The following CCND3 variants were observed in gnomAD, a reference collection of about 807,000 sequenced individuals.
CCND3 encodes the protein cyclin D3, also known as G1/S-specific cyclin-D3.
A neutral mutation model predicts 28.7 loss-of-function variants in CCND3; 9 were observed. The observed-to-expected ratio is 0.31, with a 90% CI of 0.19 to 0.55. The LOEUF (loss-of-function observed/expected upper bound fraction) is 0.55, where lower values mean the gene tolerates loss of function less well. Among genes scored for constraint, CCND3 ranks in the 20% least tolerant of loss-of-function variants. The pLI is 0.93. For missense variants in CCND3, 315 were observed against 385.8 expected (o/e 0.82, Z 1.54); for synonymous variants, 164 against 163.9 (o/e 1.00, Z 0.00).
intron 1 of CCND3, among the ~76,000 whole-genome samples, chr6:42,018,908 A>G (rs59110582): frequency 0.21 from 30,618 of 148,168 alleles, 3,590 homozygotes; most frequent in East Asian, 0.33. Flanking sequence ...AAAAAAAAAA[A>G]AAGAAGAAAA....
rs1036768220 is a variant in CCND3, at chr6:41,999,227, A to G, written c.-46+49274T>C. Reference sequence around the variant, plus strand: ...GCAAAACTCTGTCTCGAAAAAAAAAAATTTATAGAACTATAGACTTAAGAT... The same window carrying G: ...GCAAAACTCTGTCTCGAAAAAAAAAGATTTATAGAACTATAGACTTAAGAT... On this transcript the variant is annotated intron_variant, in intron 1 of 4. Transcript: ENST00000372988. Among the ~76,000 whole-genome samples, 245 of 152,150 alleles carry G rather than the reference A, an allele frequency of 1.6e-3. 1 individual carries two copies. The highest frequency in any genetic ancestry group is 5.4e-3 in the African/African-American group (223 of 41,514).
Position 41,987,477 on chromosome 6 carries a change from TTC to T in CCND3, c.-45-46894_-45-46893del, listed in dbSNP as rs71544258. Among the ~76,000 whole-genome samples the T allele has an allele frequency of 5.6e-3, 713 of 126,260 alleles. 9 individuals carry two copies. The highest frequency in any genetic ancestry group is 0.019 in the African/African-American group (649 of 34,276). The allele number at this position is 126,260 out of a possible 152,430, so 82.8% of individuals were successfully genotyped here. ...ACCACAACTCCCATGGACCAGGCTT[TTC>T]TCTCTCTCTCTCTCTCTCTCTCTCT... On this transcript the variant is annotated intron_variant, in intron 1 of 4. Transcript: ENST00000372988.
chr6:41,960,279 T>G (rs545563844), intron 1 of CCND3, among the ~76,000 whole-genome samples: 12 of 152,324 alleles, frequency 7.9e-5, no homozygotes, highest in Non-Finnish European at 1.6e-4. Flanking sequence ...AGTGTCTATT[T>G]TGGGGAGGAT....
At chr6:41,959,955 C>A (rs79252093) in intron 1 of CCND3, among the ~76,000 whole-genome samples, 570 of 139,960 alleles carry the variant, frequency 4.1e-3, no homozygotes, top group Non-Finnish European at 4.2e-3. Context: ...GACTCCGTCT[C>A]AAAAAAAAAA....
At chr6:41,950,749 C>G (rs1776288472) in intron 1 of CCND3, among the ~76,000 whole-genome samples, 1 of 149,732 alleles carries the variant, frequency 6.7e-6, no homozygotes, top group Non-Finnish European at 1.5e-5. Flanking sequence ...CTCTCTGTCA[C>G]CCAGGCTGGA....
chr6:42,022,317 A>G (rs1163506882), intron 1 of CCND3, among the ~76,000 whole-genome samples: 3 of 152,232 alleles, frequency 2.0e-5, no homozygotes, highest in African/African-American at 7.2e-5. Context: ...ACACACTGGA[A>G]TGAGTGAATG....
chr6:41,997,380 A>G (rs1762839435), intron 1 of CCND3, among the ~76,000 whole-genome samples: 1 of 152,188 alleles, frequency 6.6e-6, no homozygotes, highest in Non-Finnish European at 1.5e-5. Flanking sequence ...ACTCAAGAGA[A>G]CTAAGGTGCA....
chr6:41,964,409 T>A (rs1582113011), intron 1 of CCND3, among the ~76,000 whole-genome samples: 6 of 150,908 alleles, frequency 4.0e-5, no homozygotes, highest in African/African-American at 1.5e-4. Flanking sequence ...TGAATGTGTG[T>A]GTCTGTGTGT....
intron 1 of CCND3, among the ~76,000 whole-genome samples, chr6:42,042,509 C>T (rs1252154220): frequency 1.1e-4 from 16 of 152,088 alleles, no homozygotes; most frequent in African/African-American, 3.1e-4. Flanking sequence ...TACAGGCATG[C>T]GCCACCACAC....
intron 1 of CCND3, among the ~76,000 whole-genome samples, chr6:41,962,826 C>T (rs965285925): frequency 7.7e-4 from 117 of 152,322 alleles, no homozygotes; most frequent in African/African-American, 2.7e-3. Flanking sequence ...TCTTGGCTTA[C>T]CACAACCTCC....
At chr6:42,007,229 T>C (rs1763203002) in intron 1 of CCND3, among the ~76,000 whole-genome samples, 1 of 152,236 alleles carries the variant, frequency 6.6e-6, no homozygotes, top group South Asian at 2.1e-4. Flanking sequence ...GTTGTTTCAT[T>C]GTTTTACAAC....
intron 1 of CCND3, among the ~76,000 whole-genome samples, chr6:42,017,249 C>T (rs1763549732): frequency 6.6e-6 from 1 of 152,212 alleles, no homozygotes; most frequent in Admixed American, 6.5e-5. Flanking sequence ...GGGCCCACAG[C>T]CTCTCCAGCA....
rs189647309 is a variant in CCND3, at chr6:42,009,607, C to T, written c.-46+38894G>A. Among the ~76,000 whole-genome samples the T allele has an allele frequency of 4.5e-5, 6 of 133,128 alleles. No individual in the cohort carries two copies. In the East Asian group the frequency reaches 1.1e-3, roughly 25 times the overall value. 87.3% of individuals were successfully genotyped at this position (133,128 alleles called of 152,430 possible). On this transcript the variant is annotated intron_variant, in intron 1 of 4. Coordinates refer to the CCND3 transcript ENST00000372988. ...AGTCTGGGCAACAAGACCGAAACTC[C>T]GTTTCAAAACAAAAAAACAAAACAA...
intron 1 of CCND3, among the ~76,000 whole-genome samples, chr6:42,041,003 C>G (rs79247221): frequency 8.6e-4 from 131 of 152,118 alleles, no homozygotes; most frequent in African/African-American, 2.8e-3. Context: ...GCACTTACAA[C>G]AGCCCCTGGC....
intron 1 of CCND3, among the ~76,000 whole-genome samples, chr6:42,006,856 C>T (rs1462881255): frequency 2.0e-5 from 3 of 150,928 alleles, no homozygotes; most frequent in African/African-American, 4.9e-5. Flanking sequence ...TGCAGTGAGC[C>T]GAGATCGCTC....
At chr6:42,028,039 G>A (rs1373284309) in intron 1 of CCND3, among the ~76,000 whole-genome samples, 2 of 152,196 alleles carry the variant, frequency 1.3e-5, no homozygotes, top group African/African-American at 4.8e-5. Context: ...GAGACACCAC[G>A]CCCGGCCGCC....
chr6:42,045,167 C>A (rs1764505741), intron 1 of CCND3, among the ~76,000 whole-genome samples: 1 of 152,060 alleles, frequency 6.6e-6, no homozygotes, highest in East Asian at 1.9e-4. Flanking sequence ...CTCTCCCATA[C>A]TAGCAGCAGC....
chr6:41,985,134 A>C (rs1275045140), intron 1 of CCND3, among the ~76,000 whole-genome samples: 3 of 151,946 alleles, frequency 2.0e-5, no homozygotes, highest in Admixed American at 2.0e-4. Flanking sequence ...TTTCTTTGCT[A>C]TACAGAGTTT....
chr6:41,994,332 A>T (rs1762735780), intron 1 of CCND3, among the ~76,000 whole-genome samples: 1 of 152,056 alleles, frequency 6.6e-6, no homozygotes, highest in Non-Finnish European at 1.5e-5. Flanking sequence ...ATGTTCACAC[A>T]ATGACAACAT....
Sources: gnomAD v4.1 joint callset for allele counts (sites outside exome capture counted in the v4.1 genomes callset) on GRCh38, gnomAD v4.1.1 for gene constraint, MANE v1.5 for transcripts, NCBI Gene and HGNC (gene_info 2026-07-23, HGNC 2026-07-21) for gene names.